CHSY1: variants seen among roughly 807,000 people sequenced by gnomAD.
The protein encoded by CHSY1 is chondroitin sulfate synthase 1, also known as N-acetylgalactosaminyl-proteoglycan 3-beta-glucuronosyltransferase 1.
In CHSY1, 13 loss-of-function variants were observed where a neutral mutation model predicts 59.8. The ratio of observed to expected loss-of-function variants is 0.22; its 90% CI spans 0.14 to 0.35. The LOEUF (loss-of-function observed/expected upper bound fraction) is 0.35. Ranked by LOEUF, CHSY1 falls within the 10% of genes least tolerant of loss-of-function variation. CHSY1 has a pLI of 1.00. For synonymous variants in CHSY1, 459 were observed against 401.2 expected (o/e 1.14, Z -1.72); for missense variants, 947 against 1,030.6 (o/e 0.92, Z 1.11).
chr15:101,235,540 A>T lies in CHSY1; in HGVS notation c.358T>A (p.Phe120Ile). The T allele has an allele frequency of 6.2e-7, 1 of 1,612,986 alleles. No homozygotes were observed. The highest frequency in any genetic ancestry group is 8.5e-7 in the Non-Finnish European group (1 of 1,180,000). Residue 120 changes from phenylalanine to isoleucine, a missense_variant, in exon 2 of 3, where the codon TTC becomes ATC. Physicochemically the swap from Phe to Ile is conservative, Grantham distance 21 (BLOSUM62 0). Transcript: ENST00000254190. Reference protein sequence around the residue: ...SKTIPGKVQFFSSEGSDTSVP... With the variant: ...SKTIPGKVQFISSEGSDTSVP... ...GATGTGTCAGAACCCTCACTTGAGA[A>T]GAACTGAACTTTCCCAGGAATTGTC... is the stretch of plus-strand genomic sequence containing the variant.
chr15:101,179,939 T>C (rs2038253400), intron 2 of CHSY1, among the ~76,000 whole-genome samples: 2 of 152,206 alleles, frequency 1.3e-5, no homozygotes, highest in East Asian at 1.9e-4. Flanking sequence ...TGCAGAGTAA[T>C]AGTTTGCAAA....
intron 2 of CHSY1, among the ~76,000 whole-genome samples, chr15:101,231,746 T>C (rs955500230): frequency 1.3e-5 from 2 of 152,218 alleles, no homozygotes; most frequent in African/African-American, 4.8e-5. Flanking sequence ...AAAGACAAAA[T>C]GAATAGGTTA....
chr15:101,185,184 G>A (rs1217627730), intron 2 of CHSY1, among the ~76,000 whole-genome samples: 2 of 152,232 alleles, frequency 1.3e-5, no homozygotes, highest in Non-Finnish European at 2.9e-5. Context: ...AGATGGAGAG[G>A]CAGAAATCAA....
rs1596429614 is a variant in CHSY1, at chr15:101,188,032, T to C, written c.817-9052A>G. 11 of 985,352 alleles carry C rather than the reference T, an allele frequency of 1.1e-5. 1 individual carries two copies. The highest frequency in any genetic ancestry group is 1.3e-5 in the Non-Finnish European group (11 of 829,944). The allele number at this position is 985,352 out of a possible 1,614,324, so 61.0% of individuals were successfully genotyped here. Reference sequence around the variant, plus strand: ...ATTAGCAAATGTCCTTCTTGTCCGCTGCAAGGAGAGCCAACATTCTCATTA... The same window carrying C: ...ATTAGCAAATGTCCTTCTTGTCCGCCGCAAGGAGAGCCAACATTCTCATTA... On this transcript the variant is annotated intron_variant, in intron 2 of 2. Transcript: ENST00000254190.
At chr15:101,193,398 A>G (rs1272561157) in intron 2 of CHSY1, among the ~76,000 whole-genome samples, 1 of 152,216 alleles carries the variant, frequency 6.6e-6, no homozygotes, top group Non-Finnish European at 1.5e-5. Context: ...TCCAGAGGGA[A>G]TCAACCTTGG....
chr15:101,178,919 T>G lies in CHSY1; in HGVS notation c.878A>C (p.His293Pro). 1 of 1,614,130 alleles carries G rather than the reference T, an allele frequency of 6.2e-7. No homozygotes were observed. The highest frequency in any genetic ancestry group is 8.5e-7 in the Non-Finnish European group (1 of 1,179,956). The change falls in exon 3 of 3, where the codon CAT (histidine) becomes CCT (proline). Residue 293 changes from histidine to proline, a missense_variant. Coordinates refer to ENST00000254190, the MANE Select transcript of CHSY1 (RefSeq NM_014918.5). ...QNKKGYIRDL[H>P]NSKIHQAITL... ...GATAGCTTGGTGAATTTTACTGTTA[T>G]GGAGATCTCTAATGTACCCCTTTTT...
At chr15:101,206,996 G>C (rs1331621408) in intron 2 of CHSY1, among the ~76,000 whole-genome samples, 1 of 152,174 alleles carries the variant, frequency 6.6e-6, no homozygotes, top group African/African-American at 2.4e-5. Flanking sequence ...CCACTCTCGC[G>C]TGTCAGCACA....
rs1567335120 is a variant in CHSY1, at chr15:101,177,359, A to T, written c.*29T>A. 6.3e-7 allele frequency: 1 copy of T among 1,591,106 alleles called. No homozygotes were observed. Among genetic ancestry groups the T allele is most frequent in the Non-Finnish European group, 8.5e-7 (1 of 1,172,784 alleles). On this transcript the variant is annotated 3_prime_UTR_variant, in exon 3 of 3. Transcript: ENST00000254190. ...TTTTTGAAAAATAAATTAGATAATTAAAAACGTCTTTTCCAGCAAAGCTGG... is the reference window on the plus strand; with the variant it reads ...TTTTTGAAAAATAAATTAGATAATTTAAAACGTCTTTTCCAGCAAAGCTGG...
chr15:101,234,470 G>A (rs1423760907), intron 2 of CHSY1, among the ~76,000 whole-genome samples: 1 of 152,172 alleles, frequency 6.6e-6, no homozygotes, highest in African/African-American at 2.4e-5. Flanking sequence ...AGTCAGACAA[G>A]ATGATTTTCT....
intron 2 of CHSY1, among the ~76,000 whole-genome samples, chr15:101,210,017 C>A (rs957874638): frequency 2.0e-5 from 3 of 152,188 alleles, no homozygotes; most frequent in Non-Finnish European, 4.4e-5. Flanking sequence ...CACTTGTCTT[C>A]AACTCTTAGT....
At chr15:101,215,419 T>C (rs1437073998) in intron 2 of CHSY1, among the ~76,000 whole-genome samples, 3 of 152,168 alleles carry the variant, frequency 2.0e-5, no homozygotes, top group African/African-American at 7.2e-5. Flanking sequence ...ACAGAGTTGC[T>C]ATGGTATAGA....
chr15:101,211,699 C>A (rs983950089), intron 2 of CHSY1, among the ~76,000 whole-genome samples: 3 of 151,924 alleles, frequency 2.0e-5, no homozygotes, highest in Admixed American at 2.0e-4. Flanking sequence ...AAAAAAATTT[C>A]TATTATTTGA....
chr15:101,240,014 A>T (rs2141278667), intron 1 of CHSY1, among the ~76,000 whole-genome samples: 1 of 152,334 alleles, frequency 6.6e-6, no homozygotes, highest in Non-Finnish European at 1.5e-5. Context: ...AATTTTAAAA[A>T]CAGTCTAACC....
chr15:101,241,442 T>G (rs2039000543), intron 1 of CHSY1, among the ~76,000 whole-genome samples: 1 of 152,206 alleles, frequency 6.6e-6, no homozygotes, highest in Non-Finnish European at 1.5e-5. Flanking sequence ...ACAGGTATAT[T>G]TAGAGCTGGA....
intron 2 of CHSY1, among the ~76,000 whole-genome samples, chr15:101,196,271 T>TA (rs2038506648): frequency 6.6e-6 from 1 of 150,462 alleles, no homozygotes; most frequent in Non-Finnish European, 1.5e-5. Context: ...AAGCATACCC[T>TA]AACTAAACAA....
intron 2 of CHSY1, among the ~76,000 whole-genome samples, chr15:101,231,532 T>C (rs1459601966): frequency 6.6e-6 from 1 of 152,204 alleles, no homozygotes; most frequent in Non-Finnish European, 1.5e-5. Context: ...ATTAATATTT[T>C]AAAGCTGTCA....
intron 2 of CHSY1, among the ~76,000 whole-genome samples, chr15:101,213,481 C>G (rs1412968196): frequency 6.6e-6 from 1 of 152,098 alleles, no homozygotes; most frequent in African/African-American, 2.4e-5. Context: ...TACAATTAAA[C>G]CCAAGTGCCA....
rs775921765 is a variant in CHSY1 at position 101,251,126 on chromosome 15, C to G, written c.320+11G>C. The G allele has an allele frequency of 7.6e-6, 12 of 1,569,028 alleles. No homozygotes were observed. The South Asian group carries it at 1.3e-4, about 17-fold the overall frequency. On this transcript the variant is annotated intron_variant, in intron 1 of 2. Transcript: ENST00000254190. ...GACGCAGGAGGCGGTGCCCGGGGAGCAGGGGCTCACCTGTAGGCGGCCACG... is the reference window on the plus strand; with the variant it reads ...GACGCAGGAGGCGGTGCCCGGGGAGGAGGGGCTCACCTGTAGGCGGCCACG...
intron 1 of CHSY1, among the ~76,000 whole-genome samples, chr15:101,249,509 A>ATTT (rs2039085375): frequency 2.9e-5 from 3 of 105,148 alleles, no homozygotes; most frequent in Non-Finnish European, 5.4e-5. Flanking sequence ...CGATAGATAG[A>ATTT]ATTTTTTTTT....
Sources: gnomAD v4.1 joint callset for allele counts (sites outside exome capture counted in the v4.1 genomes callset) on GRCh38, gnomAD v4.1.1 for gene constraint, MANE v1.5 for transcripts, NCBI Gene and HGNC (gene_info 2026-07-23, HGNC 2026-07-21) for gene names.